Variants in CEP112 observed in about 807,000 individuals in gnomAD.
CEP112 encodes centrosomal protein of 112 kDa.
Under a neutral mutation model 153.0 loss-of-function variants are expected in CEP112, and 127 were observed. The observed-to-expected ratio is 0.83, with a 90% CI of 0.72 to 0.96. The LOEUF (loss-of-function observed/expected upper bound fraction) is 0.96, where lower values mean the gene tolerates loss of function less well. CEP112 is among the 40% of genes least tolerant of loss of function. CEP112 has a pLI of 0.00. For missense variants in CEP112, 1,089 were observed against 1,101.2 expected, an observed-to-expected ratio of 0.99 and a Z score of 0.16; for synonymous variants, 358 against 374.4, an observed-to-expected ratio of 0.96 and a Z score of 0.51.
Position 66,175,166 on chromosome 17 carries a change from T to A in CEP112, c.348A>T (p.Pro116=). ...CCAGTACCCAGGCTGGTAATCCCTC[T>A]GGGCTTGAACCTTTTGCTCGTGCTG... The part of the protein sequence containing the change: ...PNPARAKGSS[P]EGLPAWVLGE... The change falls in exon 4 of 27, where the codon CCA becomes CCT. Residue 116 remains proline (P), a synonymous_variant. Coordinates refer to ENST00000535342, the MANE Select transcript of CEP112 (RefSeq NM_001199165.4). 1 of 1,612,668 alleles carries A rather than the reference T, an allele frequency of 6.2e-7. No individual in the cohort carries two copies. The highest frequency in any genetic ancestry group is 8.5e-7 in the Non-Finnish European group (1 of 1,179,376).
intron 4 of CEP112, among the ~76,000 whole-genome samples, chr17:66,136,398 T>A (rs2070437197): frequency 6.6e-6 from 1 of 151,992 alleles, no homozygotes. Context: ...AGGACTGGTA[T>A]TCTCTAAATG....
At chr17:65,887,270 A>G (rs1053633932) in intron 20 of CEP112, among the ~76,000 whole-genome samples, 1 of 152,194 alleles carries the variant, frequency 6.6e-6, no homozygotes, top group African/African-American at 2.4e-5. Context: ...AAAAACTGAG[A>G]CAATACATAA....
intron 18 of CEP112, among the ~76,000 whole-genome samples, chr17:65,944,999 T>C (rs893719373): frequency 6.6e-6 from 1 of 152,230 alleles, no homozygotes. Context: ...TTTTCTCAAA[T>C]TGAATACCTC....
intron 12 of CEP112, among the ~76,000 whole-genome samples, chr17:66,034,311 T>C (rs1422351337): frequency 1.3e-5 from 2 of 152,210 alleles, no homozygotes; most frequent in Admixed American, 6.5e-5. Context: ...GATTTTTGCA[T>C]GTTTTATAAA....
intron 21 of CEP112, among the ~76,000 whole-genome samples, chr17:65,787,002 A>G (rs1313085059): frequency 1.3e-5 from 2 of 152,176 alleles, no homozygotes; most frequent in East Asian, 3.9e-4. Flanking sequence ...AACTACATCT[A>G]TATCATCTAT....
chr17:66,105,637 T>A (rs1296521334), intron 6 of CEP112, among the ~76,000 whole-genome samples: 3 of 151,954 alleles, frequency 2.0e-5, no homozygotes, highest in Non-Finnish European at 4.4e-5. Context: ...TCACAAAAAT[T>A]CCAAAAATTA....
intron 21 of CEP112, among the ~76,000 whole-genome samples, chr17:65,811,626 A>G (rs1363946021): frequency 6.6e-6 from 1 of 152,198 alleles, no homozygotes; most frequent in African/African-American, 2.4e-5. Context: ...GCTATGAGCA[A>G]TTATGATTTA....
Position 65,806,994 on chromosome 17 carries a change from G to A in CEP112, c.2394+44810C>T, listed in dbSNP as rs116959278. ...AGGGCTCAAAAGAAGACAGAAAGAT[G>A]TGGGAACGTTTGGAACCTCATAGAG... On this transcript the variant is annotated intron_variant, in intron 21 of 26. Transcript: ENST00000535342. Among the ~76,000 whole-genome samples the A allele has an allele frequency of 1.1e-4, 16 of 152,310 alleles. No homozygotes were observed. In the East Asian group the frequency reaches 2.9e-3, roughly 28 times the overall value.
intron 1 of CEP112, among the ~76,000 whole-genome samples, chr17:66,190,075 AT>A (rs1444151974): frequency 3.9e-5 from 6 of 152,028 alleles, no homozygotes; most frequent in African/African-American, 1.2e-4. Flanking sequence ...CACACCTGTA[AT>A]CCCAGCACTT....
intron 17 of CEP112, among the ~76,000 whole-genome samples, chr17:65,981,193 G>A (rs1456077388): frequency 6.6e-6 from 1 of 152,060 alleles, no homozygotes; most frequent in East Asian, 1.9e-4. Context: ...AACTTCCTGG[G>A]TAATTTTACT....
intron 21 of CEP112, among the ~76,000 whole-genome samples, chr17:65,785,775 T>C (rs986301323): frequency 3.3e-5 from 5 of 152,236 alleles, no homozygotes; most frequent in African/African-American, 1.2e-4. Flanking sequence ...ATTGCTTTTT[T>C]CTAAAAGTTT....
intron 12 of CEP112, among the ~76,000 whole-genome samples, chr17:66,034,325 T>C (rs940714405): frequency 6.6e-6 from 1 of 152,146 alleles, no homozygotes; most frequent in Non-Finnish European, 1.5e-5. Context: ...TTATAAAAAA[T>C]AGAGATAAAA....
intron 4 of CEP112, among the ~76,000 whole-genome samples, chr17:66,143,275 AG>A (rs1411805183): frequency 1.3e-5 from 2 of 152,248 alleles, no homozygotes; most frequent in East Asian, 3.8e-4. Context: ...CACTAGCAAA[AG>A]GCTCTGAAGG....
chr17:65,691,106 A>G (rs2144417342), intron 23 of CEP112, among the ~76,000 whole-genome samples: 1 of 152,286 alleles, frequency 6.6e-6, no homozygotes, highest in African/African-American at 2.4e-5. Flanking sequence ...ACAGGACCCC[A>G]GGGATTCTGG....
At chr17:65,917,904 C>T (rs142407667) in intron 19 of CEP112, among the ~76,000 whole-genome samples, 9 of 152,194 alleles carry the variant, frequency 5.9e-5, no homozygotes, top group African/African-American at 1.7e-4. Flanking sequence ...TGGCTGGGCG[C>T]GGTGGCTCAC....
intron 24 of CEP112, among the ~76,000 whole-genome samples, chr17:65,671,092 G>A (rs1306687249): frequency 6.6e-6 from 1 of 151,966 alleles, no homozygotes; most frequent in African/African-American, 2.4e-5. Context: ...ATGTCTGTTA[G>A]GGTTGTTTGG....
intron 6 of CEP112, among the ~76,000 whole-genome samples, chr17:66,108,886 GGAAAAA>G (rs1351855270): frequency 6.6e-6 from 1 of 152,134 alleles, no homozygotes; most frequent in African/African-American, 2.4e-5. Flanking sequence ...ACAGATGAAT[GGAAAAA>G]GAAAATGTGT....
chr17:65,675,670 G>C (rs2047198889), intron 24 of CEP112, among the ~76,000 whole-genome samples: 1 of 151,658 alleles, frequency 6.6e-6, no homozygotes, highest in African/African-American at 2.4e-5. Context: ...GAGAAACATA[G>C]ATGCAAAAAT....
At chr17:66,069,834 A>T in intron 9 of CEP112, 81 bp downstream of exon 9, 1 of 736,832 alleles carries the variant, frequency 1.4e-6, no homozygotes, top group Non-Finnish European at 2.2e-6. Flanking sequence ...GGAAGAATGG[A>T]TGGATAACTG....
Sources: allele counts gnomAD v4.1 joint callset (sites outside exome capture counted in the v4.1 genomes callset), GRCh38; gene constraint gnomAD v4.1.1; transcripts MANE v1.5; gene names NCBI Gene and HGNC (gene_info 2026-07-23, HGNC 2026-07-21).